Variants in EML4 observed in about 807,000 individuals in gnomAD.
The protein encoded by EML4 is echinoderm microtubule-associated protein-like 4.
A neutral mutation model predicts 129.0 loss-of-function variants in EML4; 72 were observed. That is an observed-to-expected ratio of 0.56 (90% CI 0.46 to 0.68). EML4 has a LOEUF of 0.68. Ranked by LOEUF, EML4 falls within the 30% of genes least tolerant of loss-of-function variation. The probability of loss-of-function intolerance (pLI) is 0.00; values close to 1 mark genes in which losing one functional copy is unlikely to be tolerated. For synonymous variants in EML4, 532 were observed against 405.0 expected, an observed-to-expected ratio of 1.31 and a Z score of -3.77; for missense variants, 1,363 against 1,190.6, an observed-to-expected ratio of 1.14 and a Z score of -2.13.
At chr2:42,248,579 C>T (rs367579405) in intron 2 of EML4, among the ~76,000 whole-genome samples, 4 of 152,126 alleles carry the variant, frequency 2.6e-5, no homozygotes, top group East Asian at 3.9e-4. Context: ...AGTCTAGGAT[C>T]AGTTTGGTTA....
intron 1 of EML4, among the ~76,000 whole-genome samples, chr2:42,182,589 C>T (rs975554394): frequency 6.6e-6 from 1 of 152,130 alleles, no homozygotes; most frequent in African/African-American, 2.4e-5. Flanking sequence ...GACACCTAAT[C>T]ATTTTTAGAG....
At chr2:42,194,629 G>C (rs1296833940) in intron 1 of EML4, among the ~76,000 whole-genome samples, 1 of 151,468 alleles carries the variant, frequency 6.6e-6, no homozygotes, top group Non-Finnish European at 1.5e-5. Context: ...TCTCACCTCA[G>C]CCTCCCAAGT....
chr2:42,330,238 C>CA lies in EML4; in HGVS notation c.*32dup. On this transcript the variant is annotated 3_prime_UTR_variant, in exon 23 of 23. Coordinates refer to ENST00000318522, the MANE Select transcript of EML4 (RefSeq NM_019063.5). ...TGGCTTCAGTGCAACTCTTTTCCTT[C>CA]AGCTGCATGTGATTTTGTGATAAAG... is the stretch of plus-strand genomic sequence containing the variant. 6.3e-7 allele frequency: 1 copy of CA among 1,578,506 alleles called. No individual in the cohort carries two copies. Among genetic ancestry groups the CA allele is most frequent in the South Asian group, 1.1e-5 (1 of 90,110 alleles).
intron 11 of EML4, among the ~76,000 whole-genome samples, chr2:42,293,856 G>C (rs571661683): frequency 6.6e-6 from 1 of 152,180 alleles, no homozygotes; most frequent in East Asian, 1.9e-4. Flanking sequence ...TGATCCACCC[G>C]CCTCAGCCTC....
chr2:42,169,656 C>A lies in EML4; in HGVS notation c.25+20C>A. On this transcript the variant is annotated intron_variant, in intron 1 of 22. Transcript: ENST00000318522. Reference sequence around the variant, plus strand: ...GTCTCGGTGAGTACGGCTGGGGAGTCCTGCGTCTTCTGCGAAGGGTAGGAA... The same window carrying A: ...GTCTCGGTGAGTACGGCTGGGGAGTACTGCGTCTTCTGCGAAGGGTAGGAA... 6.3e-7 allele frequency: 1 copy of A among 1,599,816 alleles called. No individual in the cohort carries two copies. The highest frequency in any genetic ancestry group is 8.5e-7 in the Non-Finnish European group (1 of 1,173,486).
chr2:42,246,851 G>T (rs894413244), intron 2 of EML4, among the ~76,000 whole-genome samples: 3 of 152,142 alleles, frequency 2.0e-5, no homozygotes, highest in Admixed American at 1.3e-4. Flanking sequence ...ACTGAGAGAT[G>T]ACCATTGGAT....
chr2:42,276,805 T>C (rs1262091565), intron 6 of EML4, among the ~76,000 whole-genome samples: 2 of 152,248 alleles, frequency 1.3e-5, no homozygotes, highest in African/African-American at 4.8e-5. Context: ...TCATGCTGTT[T>C]TCACTATAAT....
At chr2:42,325,251 T>C (rs1287694860) in intron 19 of EML4, 1 of 604,460 alleles carries the variant, frequency 1.7e-6, no homozygotes, top group Non-Finnish European at 3.2e-6. Flanking sequence ...TAGTAGGTGC[T>C]AGTTTCTGGT....
chr2:42,306,123 A>G (rs760582668), intron 17 of EML4, among the ~76,000 whole-genome samples: 1 of 152,254 alleles, frequency 6.6e-6, no homozygotes, highest in Admixed American at 6.5e-5. Flanking sequence ...TTGCAAATAT[A>G]GAAGGCTAGC....
intron 13 of EML4, among the ~76,000 whole-genome samples, chr2:42,298,144 A>G (rs1401301226): frequency 6.6e-6 from 1 of 152,254 alleles, no homozygotes. Context: ...GAGCTAAGAA[A>G]CACTGCCATT....
intron 17 of EML4, among the ~76,000 whole-genome samples, chr2:42,309,725 C>T (rs1316183877): frequency 6.6e-6 from 1 of 151,942 alleles, no homozygotes; most frequent in Non-Finnish European, 1.5e-5. Context: ...AATCCTGTGC[C>T]CATCTTTGAA....
intron 6 of EML4, among the ~76,000 whole-genome samples, chr2:42,268,631 T>C (rs1042663785): frequency 6.6e-6 from 1 of 151,950 alleles, no homozygotes. Context: ...AGAGGCAGGG[T>C]GTCACTGTGT....
intron 11 of EML4, among the ~76,000 whole-genome samples, chr2:42,290,875 T>C (rs1168758107): frequency 6.6e-6 from 1 of 152,216 alleles, no homozygotes; most frequent in South Asian, 2.1e-4. Context: ...TATTGAGCTA[T>C]ATATACATTT....
chr2:42,237,546 T>A (rs1044126366), intron 1 of EML4, among the ~76,000 whole-genome samples: 1 of 152,146 alleles, frequency 6.6e-6, no homozygotes, highest in Non-Finnish European at 1.5e-5. Flanking sequence ...CATGGGGGTT[T>A]GGGGTGCCAA....
intron 1 of EML4, among the ~76,000 whole-genome samples, chr2:42,186,153 C>T (rs981431413): frequency 2.6e-5 from 4 of 152,152 alleles, no homozygotes; most frequent in African/African-American, 9.7e-5. Flanking sequence ...TGCCTACCTA[C>T]TTTGGATTGA....
intron 3 of EML4, among the ~76,000 whole-genome samples, chr2:42,260,801 G>A (rs1453193751): frequency 6.6e-6 from 1 of 152,190 alleles, no homozygotes; most frequent in African/African-American, 2.4e-5. Flanking sequence ...TCTGATTTGG[G>A]TAACTTGAGG....
At chr2:42,257,119 T>C (rs1310347315) in intron 3 of EML4, among the ~76,000 whole-genome samples, 1 of 151,464 alleles carries the variant, frequency 6.6e-6, no homozygotes, top group Non-Finnish European at 1.5e-5. Flanking sequence ...TGTGTGGGGG[T>C]GTATGTGTGT....
intron 2 of EML4, among the ~76,000 whole-genome samples, chr2:42,251,582 A>G (rs188032267): frequency 7.2e-4 from 109 of 152,370 alleles, no homozygotes; most frequent in African/African-American, 2.6e-3. Flanking sequence ...GATGGAGTAC[A>G]TGTAGTCCTC....
At chr2:42,268,415 C>G (rs1666185846) in intron 6 of EML4, among the ~76,000 whole-genome samples, 1 of 152,052 alleles carries the variant, frequency 6.6e-6, no homozygotes, top group African/African-American at 2.4e-5. Flanking sequence ...AACCAAGGGA[C>G]CAACTATTTA....
Sources: gnomAD v4.1 joint callset for allele counts (sites outside exome capture counted in the v4.1 genomes callset) on GRCh38, gnomAD v4.1.1 for gene constraint, MANE v1.5 for transcripts, NCBI Gene and HGNC (gene_info 2026-07-23, HGNC 2026-07-21) for gene names.